LPCAT4: variants seen among roughly 807,000 people sequenced by gnomAD.
The protein encoded by LPCAT4 is lysophospholipid acyltransferase LPCAT4.
LPCAT4 carries 30 observed loss-of-function variants against 66.5 expected under a neutral mutation model. That is an observed-to-expected ratio of 0.45 (90% confidence interval 0.34 to 0.61). LPCAT4 has a LOEUF of 0.61. Ranked by LOEUF, LPCAT4 falls within the 20% of genes least tolerant of loss-of-function variation. The pLI, the probability that LPCAT4 is intolerant of heterozygous loss-of-function variation, is 0.01. For missense variants in LPCAT4, 557 were observed against 656.7 expected (o/e 0.85, Z 1.66); for synonymous variants, 253 against 262.1 (o/e 0.97, Z 0.34).
At position 34,363,994 on chromosome 15, in the gene LPCAT4, CCACT is replaced by C. The variant is rs1480899915; in HGVS notation, c.652+15_652+18del. On this transcript the variant is annotated intron_variant, in intron 5 of 13. Transcript: ENST00000314891. The surrounding 1 kb of genome is among the most constrained non-coding windows in gnomAD (Gnocchi z 4.3). ...ACTTCTTTTTCCTACAGCCCACCAC[CCACT>C]ATCATTTTATTCACCTGGTTTGAAC... 2.5e-6 allele frequency: 4 copies of C among 1,607,718 alleles called. No individual in the cohort carries two copies. The highest frequency in any genetic ancestry group is 3.4e-6 in the Non-Finnish European group (4 of 1,174,680).
intron 3 of LPCAT4, 52 bp downstream of exon 3, chr15:34,364,956 T>G (rs751441977): frequency 6.6e-7 from 1 of 1,516,374 alleles, no homozygotes; most frequent in Non-Finnish European, 9.0e-7. Flanking sequence ...ATTCCTGACT[T>G]TTTTTGCCCA....
chr15:34,361,133 C>G, intron 11 of LPCAT4: 1 of 1,223,254 alleles, frequency 8.2e-7, no homozygotes, highest in Non-Finnish European at 1.0e-6. Flanking sequence ...ACCTTCGCCA[C>G]TCTCTAAAGT....
chr15:34,365,848 A>G, intron 1 of LPCAT4, 147 bp from the exon 2 acceptor site: 1 of 907,994 alleles, frequency 1.1e-6, no homozygotes, highest in African/African-American at 1.7e-5. Flanking sequence ...GGGGACTGGG[A>G]CCCAAGGTGG....
At chr15:34,360,555 G>C (rs372969812) in intron 11 of LPCAT4, among the ~76,000 whole-genome samples, 2 of 152,242 alleles carry the variant, frequency 1.3e-5, no homozygotes, top group South Asian at 2.1e-4. Context: ...CTCTGACTCA[G>C]CCTATGTAGA....
In LPCAT4 at chr15:34,363,570, C is replaced by A; in HGVS notation, c.711+91G>T. On this transcript the variant is annotated intron_variant, in intron 6 of 13. Transcript: ENST00000314891. The surrounding 1 kb of genome is among the most constrained non-coding windows in gnomAD (Gnocchi z 4.3). ...ACCTCTGGTCACAGCCCCCAATGCA[C>A]ATCCCATTAAAGCACCAACAGTTTT... 1 of 1,595,546 alleles carries A rather than the reference C, an allele frequency of 6.3e-7. No individual in the cohort carries two copies.
chr15:34,366,188 A>AT (rs2140171228), intron 1 of LPCAT4, among the ~76,000 whole-genome samples: 1 of 152,278 alleles, frequency 6.6e-6, no homozygotes, highest in East Asian at 1.9e-4. Context: ...ACCCGAGGTC[A>AT]TTTTCTGACA....
intron 2 of LPCAT4, 102 bp downstream of exon 2, chr15:34,365,457 C>G: frequency 2.0e-6 from 3 of 1,521,500 alleles, no homozygotes; most frequent in South Asian, 1.2e-5. Flanking sequence ...CCAAGCTAGA[C>G]AGAATAGTTT....
chr15:34,363,332 A>G lies in LPCAT4; in HGVS notation c.746+90T>C, dbSNP rs1890994107. 2.1e-6 allele frequency: 3 copies of G among 1,406,598 alleles called. No homozygotes were observed. The East Asian group carries it at 6.8e-5, about 32-fold the overall frequency. 87.1% of individuals were successfully genotyped at this position (1,406,598 alleles called of 1,614,324 possible). On this transcript the variant is annotated intron_variant, in intron 7 of 13. Transcript: ENST00000314891. This position sits in a 1 kb window ranked among gnomAD's most constrained non-coding sequence, Gnocchi z 4.3. ...CTCAGTCCTCAGATGAAGAAGGGCC[A>G]TTCACCTTGTCGGGAGATTGGAAGA... is the stretch of plus-strand genomic sequence containing the variant.
intron 2 of LPCAT4, 94 bp downstream of exon 2, chr15:34,365,465 T>C: frequency 2.6e-6 from 4 of 1,549,164 alleles, no homozygotes; most frequent in Non-Finnish European, 3.5e-6. Context: ...GACAGAATAG[T>C]TTCAGAATGC....
intron 13 of LPCAT4, 141 bp from the exon 14 acceptor site, chr15:34,359,443 T>C (rs1890888287): frequency 1.5e-6 from 2 of 1,323,796 alleles, no homozygotes; most frequent in Middle Eastern, 2.7e-4. Flanking sequence ...TCTCTTCCTT[T>C]CTAGCCTGTT....
intron 9 of LPCAT4, 78 bp from the exon 10 acceptor site, chr15:34,362,399 G>A (rs965532698): frequency 1.7e-5 from 26 of 1,565,786 alleles, no homozygotes; most frequent in Admixed American, 1.2e-4. Flanking sequence ...ACCCTGGCCC[G>A]CTGACTGGAG....
rs1459582063 is a variant in LPCAT4 at position 34,367,183 on chromosome 15, G to A, written c.-83C>T. The A allele has an allele frequency of 1.5e-5, 19 of 1,229,556 alleles. No homozygotes were observed. The South Asian group carries it at 4.0e-4, about 26-fold the overall frequency. 76.2% of individuals were successfully genotyped at this position (1,229,556 alleles called of 1,614,324 possible). A position where few individuals can be genotyped will look rare whatever the true frequency, so the allele number is the denominator to read the frequency against. ...GAGCAGCTGCTGCTGCAGCAGCGGC[G>A]GCGGCGGCGCTCTGGCCCGGGCCCC... On this transcript the variant is annotated 5_prime_UTR_variant, in exon 1 of 14. Transcript: ENST00000314891.
chr15:34,359,878 C>T, intron 12 of LPCAT4, 133 bp from the exon 13 acceptor site: 1 of 942,910 alleles, frequency 1.1e-6, no homozygotes, highest in Non-Finnish European at 1.6e-6. Context: ...CTCCAGTGCC[C>T]TTTCTGCAGA....
Position 34,360,099 on chromosome 15 carries a change from A to G in LPCAT4, c.1242+12T>C. On this transcript the variant is annotated intron_variant, in intron 12 of 13. Transcript: ENST00000314891. Reference sequence around the variant, plus strand: ...CCACTAAGCACCCCCCACCACCGCCACCCCCCATTACCTCAAAGGCCAGAC... The same window carrying G: ...CCACTAAGCACCCCCCACCACCGCCGCCCCCCATTACCTCAAAGGCCAGAC... The G allele has an allele frequency of 1.0e-6, 1 of 965,596 alleles. No homozygotes were observed. Among genetic ancestry groups the G allele is most frequent in the Non-Finnish European group, 1.6e-6 (1 of 629,928 alleles). 59.8% of individuals were successfully genotyped at this position (965,596 alleles called of 1,614,324 possible).
chr15:34,361,988 C>T (rs892938214), intron 10 of LPCAT4, among the ~76,000 whole-genome samples: 12 of 152,186 alleles, frequency 7.9e-5, no homozygotes, highest in Non-Finnish European at 1.6e-4. Flanking sequence ...TGTGAGCCAC[C>T]GTGCCCGGCC....
At chr15:34,362,095 T>G (rs757812375) in intron 10 of LPCAT4, 101 bp downstream of exon 10, 74 of 1,471,646 alleles carry the variant, frequency 5.0e-5, no homozygotes, top group Non-Finnish European at 6.6e-5. Flanking sequence ...GTTTTTTTCA[T>G]TTTTAAGATT....
Position 34,365,675 on chromosome 15 carries a change from G to A in LPCAT4, c.141C>T (p.Ala47=). 6.2e-7 allele frequency: 1 copy of A among 1,614,018 alleles called. No homozygotes were observed. Among genetic ancestry groups the A allele is most frequent in the South Asian group, 1.1e-5 (1 of 91,078 alleles). Residue 47 remains alanine, a synonymous_variant, in exon 2 of 14, where the codon GCC becomes GCT. Coordinates refer to ENST00000314891, the MANE Select transcript of LPCAT4 (RefSeq NM_153613.3). The stretch of plus-strand genomic sequence containing the variant: ...TAAAGGCCAGAAGCACTCGGATGGG[G>A]GCCAGCAATGCCCCCAGGAGGCAGA... ...VKFCLLGALL[A]PIRVLLAFIV... is the part of the protein sequence containing the mutation.
At chr15:34,365,892 G>C in intron 1 of LPCAT4, 191 bp from the exon 2 acceptor site, 1 of 612,958 alleles carries the variant, frequency 1.6e-6, no homozygotes, top group Non-Finnish European at 2.8e-6. Flanking sequence ...GAGGATAAAA[G>C]ATTAATGGCA....
At chr15:34,362,099 TAAGA>T in intron 10 of LPCAT4, 93 bp downstream of exon 10, 3 of 1,495,152 alleles carry the variant, frequency 2.0e-6, no homozygotes, top group Admixed American at 2.0e-5. Context: ...TTTTCATTTT[TAAGA>T]TTTTCCTTCT....
Sources: gnomAD v4.1 joint callset for allele counts (sites outside exome capture counted in the v4.1 genomes callset) on GRCh38, gnomAD v4.1.1 for gene constraint, Gnocchi (gnomAD v3.1) non-coding constraint, MANE v1.5 for transcripts, NCBI Gene and HGNC (gene_info 2026-07-23, HGNC 2026-07-21) for gene names.